Variants in GREB1L observed in about 807,000 individuals in gnomAD.
GREB1L encodes the protein GREB1 like retinoic acid receptor coactivator.
A neutral mutation model predicts 200.8 loss-of-function variants in GREB1L; 17 were observed. The ratio of observed to expected loss-of-function variants is 0.08; its 90% CI spans 0.06 to 0.13. GREB1L has a LOEUF of 0.13. Ranked by LOEUF, GREB1L falls within the 10% of genes least tolerant of loss-of-function variation. The probability of loss-of-function intolerance (pLI) is 1.00; values close to 1 mark genes in which losing one functional copy is unlikely to be tolerated. For missense variants in GREB1L, 1,657 were observed against 2,367.7 expected, an observed-to-expected ratio of 0.70 and a Z score of 6.23; for synonymous variants, 789 against 893.0, an observed-to-expected ratio of 0.88 and a Z score of 2.08.
intron 2 of GREB1L, among the ~76,000 whole-genome samples, chr18:21,375,707 C>A (rs1269695998): frequency 6.6e-6 from 1 of 152,148 alleles, no homozygotes; most frequent in Non-Finnish European, 1.5e-5. Context: ...CCCTGTTTAC[C>A]TGTTTCCTTG....
chr18:21,383,599 A>G lies in GREB1L; in HGVS notation c.81A>G (p.Arg27=), dbSNP rs1182208645. The G allele has an allele frequency of 6.4e-7, 1 of 1,551,258 alleles. No individual in the cohort carries two copies. The highest frequency in any genetic ancestry group is 1.2e-5 in the South Asian group (1 of 83,914). Residue 27 remains arginine (R), a synonymous_variant, in exon 3 of 33, where the codon AGA becomes AGG. Coordinates refer to ENST00000424526, the MANE Select transcript of GREB1L (RefSeq NM_001142966.3). Reference sequence around the variant, plus strand: ...ACAACTCCATAGAAGCCTCCCTCAGATGTAGTAGTGTGGTACCACGGCCAA... The same window carrying G: ...ACAACTCCATAGAAGCCTCCCTCAGGTGTAGTAGTGTGGTACCACGGCCAA... ...ALHNSIEASL[R]CSSVVPRPIF... is the part of the protein sequence containing the mutation.
chr18:21,523,125 T>C lies in GREB1L; in HGVS notation c.*304T>C, dbSNP rs1464040587. 4.9e-6 allele frequency: 1 copy of C among 202,826 alleles called. No homozygotes were observed. The highest frequency in any genetic ancestry group is 9.8e-6 in the Non-Finnish European group (1 of 101,692). The allele number at this position is 202,826 out of a possible 1,614,324, so 12.6% of individuals were successfully genotyped here. A position where few individuals can be genotyped will look rare whatever the true frequency, so the allele number is the denominator to read the frequency against. ...ATACTTTGGAGAGTGAATATGGAGT[T>C]TGCATTATTTTTTTCTATTACTATG... On this transcript the variant is annotated 3_prime_UTR_variant, in exon 33 of 33. Coordinates refer to ENST00000424526, the MANE Select transcript of GREB1L (RefSeq NM_001142966.3).
intron 1 of GREB1L, among the ~76,000 whole-genome samples, chr18:21,262,386 G>A (rs1486874527): frequency 6.6e-6 from 1 of 152,102 alleles, no homozygotes; most frequent in Admixed American, 6.5e-5. Flanking sequence ...TTGAATGACA[G>A]ACCTTATGGG....
At chr18:21,265,281 G>C (rs979285995) in intron 1 of GREB1L, among the ~76,000 whole-genome samples, 2 of 151,916 alleles carry the variant, frequency 1.3e-5, no homozygotes, top group African/African-American at 4.8e-5. Context: ...ATTCTTGTAA[G>C]GTGAAATAGT....
chr18:21,502,684 G>C (rs925377862), intron 23 of GREB1L, among the ~76,000 whole-genome samples: 3 of 151,880 alleles, frequency 2.0e-5, no homozygotes, highest in African/African-American at 7.3e-5. Context: ...CTAGATCGTC[G>C]GGCCCACCAG....
At chr18:21,276,924 C>CT (rs573871373) in intron 1 of GREB1L, among the ~76,000 whole-genome samples, 6,754 of 107,622 alleles carry the variant, frequency 0.063, 438 homozygotes, top group Non-Finnish European at 0.087. Flanking sequence ...CAGCCCAGCC[C>CT]TTTTTTTTTT....
At position 21,440,147 on chromosome 18, in the gene GREB1L, C is replaced by T. The variant is rs1013981814; in HGVS notation, c.950-122C>T. The T allele has an allele frequency of 5.7e-6, 6 of 1,048,426 alleles. No individual in the cohort carries two copies. In the African/African-American group the frequency reaches 9.6e-5, roughly 17 times the overall value. The allele number at this position is 1,048,426 out of a possible 1,614,324, so 64.9% of individuals were successfully genotyped here. A position where few individuals can be genotyped will look rare whatever the true frequency, so the allele number is the denominator to read the frequency against. ...TTTACCTCTAAAGGAGTGATTTAGA[C>T]TTTCTGAGTATAATCAAATTAAAGG... On this transcript the variant is annotated intron_variant, in intron 8 of 32. Coordinates refer to ENST00000424526, the MANE Select transcript of GREB1L (RefSeq NM_001142966.3).
At chr18:21,339,308 T>C (rs983184472) in intron 1 of GREB1L, among the ~76,000 whole-genome samples, 1 of 152,222 alleles carries the variant, frequency 6.6e-6, no homozygotes, top group African/African-American at 2.4e-5. Context: ...TATTGTTTCT[T>C]CTATTCTAAG....
intron 7 of GREB1L, among the ~76,000 whole-genome samples, chr18:21,429,147 C>CT (rs1391591345): frequency 4.2e-5 from 5 of 120,300 alleles, no homozygotes; most frequent in African/African-American, 1.7e-4. Flanking sequence ...TCCTTCCTTC[C>CT]TCCCTTCCCT....
chr18:21,331,267 TCTC>T (rs1458943947), intron 1 of GREB1L, among the ~76,000 whole-genome samples: 3 of 152,186 alleles, frequency 2.0e-5, no homozygotes, highest in Admixed American at 2.0e-4. Context: ...CCTCCTGCTG[TCTC>T]CTCTGATGGA....
At position 21,395,503 on chromosome 18, in the gene GREB1L, A is replaced by C; in HGVS notation, c.474A>C (p.Leu158=). 1 of 1,551,464 alleles carries C rather than the reference A, an allele frequency of 6.4e-7. No individual in the cohort carries two copies. The highest frequency in any genetic ancestry group is 1.2e-5 in the South Asian group (1 of 84,002). The stretch of plus-strand genomic sequence containing the variant: ...CTCCCAATCTGCCTGAACACATCCT[A>C]GTTTGTGCTGTGGACAAGCGATTTC... ...AKSPNLPEHI[L]VCAVDKRFLP... Residue 158 remains leucine, a synonymous_variant, in exon 5 of 33, where the codon CTA becomes CTC. Coordinates refer to ENST00000424526, the MANE Select transcript of GREB1L (RefSeq NM_001142966.3).
At position 21,384,308 on chromosome 18, in the gene GREB1L, A is replaced by G. The variant is rs1320538693; in HGVS notation, c.260A>G (p.Glu87Gly). The change falls in exon 4 of 33, where the codon GAA becomes GGA. Residue 87 changes from glutamate (E) to glycine (G), a missense_variant. Glu to Gly is a moderately conservative substitution (Grantham distance 98). Coordinates refer to ENST00000424526, the MANE Select transcript of GREB1L (RefSeq NM_001142966.3). ...AACAATCTAACAGTTAATGAAATGG[A>G]AGATGATGAAGACGATGAAGAAATG... The part of the protein sequence containing the change: ...FSNNLTVNEM[E>G]DDEDDEEMSD... 1 of 1,551,028 alleles carries G rather than the reference A, an allele frequency of 6.4e-7. No homozygotes were observed.
At chr18:21,250,748 G>A (rs183544313) in intron 1 of GREB1L, among the ~76,000 whole-genome samples, 1 of 152,188 alleles carries the variant, frequency 6.6e-6, no homozygotes, top group Non-Finnish European at 1.5e-5. Context: ...ATCAGAGGGT[G>A]GGGGAACCTT....
At chr18:21,360,897 A>G (rs2039571559) in intron 1 of GREB1L, among the ~76,000 whole-genome samples, 1 of 152,212 alleles carries the variant, frequency 6.6e-6, no homozygotes, top group Admixed American at 6.5e-5. Context: ...TCTGGGATCT[A>G]TATTTCCATT....
At chr18:21,491,320 T>G (rs1219594634) in intron 19 of GREB1L, among the ~76,000 whole-genome samples, 1 of 152,132 alleles carries the variant, frequency 6.6e-6, no homozygotes, top group Non-Finnish European at 1.5e-5. Flanking sequence ...GAATTTGCAT[T>G]TTCACCCTGG....
chr18:21,489,743 T>C (rs1197991564), intron 18 of GREB1L, among the ~76,000 whole-genome samples: 1 of 152,204 alleles, frequency 6.6e-6, no homozygotes, highest in African/African-American at 2.4e-5. Flanking sequence ...TGGTGGTCTG[T>C]AGACCATACT....
intron 1 of GREB1L, among the ~76,000 whole-genome samples, chr18:21,362,559 A>G (rs1193408375): frequency 1.3e-5 from 2 of 152,198 alleles, no homozygotes. Flanking sequence ...AAATATTTGT[A>G]TCATTTGCCC....
At chr18:21,388,819 G>T (rs1336564391) in intron 4 of GREB1L, among the ~76,000 whole-genome samples, 1 of 151,914 alleles carries the variant, frequency 6.6e-6, no homozygotes, top group African/African-American at 2.4e-5. Context: ...GGAGTATTAG[G>T]CATATTGTAG....
At chr18:21,459,745 G>A (rs192512470) in intron 15 of GREB1L, among the ~76,000 whole-genome samples, 1 of 152,042 alleles carries the variant, frequency 6.6e-6, no homozygotes, top group Admixed American at 6.5e-5. Flanking sequence ...AATTTCAACA[G>A]AAAAAAAGAC....
Sources: gnomAD v4.1 joint callset for allele counts (sites outside exome capture counted in the v4.1 genomes callset) on GRCh38, gnomAD v4.1.1 for gene constraint, MANE v1.5 for transcripts, NCBI Gene and HGNC (gene_info 2026-07-23, HGNC 2026-07-21) for gene names.